TRMT2B: variants seen among roughly 807,000 people sequenced by gnomAD.
TRMT2B encodes tRNA (uracil-5-)-methyltransferase homolog B.
Under a neutral mutation model 39.7 loss-of-function variants are expected in TRMT2B, and 34 were observed. That is an observed-to-expected ratio of 0.86 (90% CI 0.65 to 1.14). The LOEUF is 1.14. TRMT2B is among the 50% of genes most tolerant of loss of function. TRMT2B has a pLI of 0.00. For synonymous variants in TRMT2B, 132 were observed against 137.3 expected, an observed-to-expected ratio of 0.96 and a Z score of 0.27; for missense variants, 318 against 377.2, an observed-to-expected ratio of 0.84 and a Z score of 1.30.
At chrX:101,008,304 A>G (rs1242000953), downstream of TRMT2B, among the ~76,000 whole-genome samples, 1 of 112,163 alleles carries the variant, frequency 8.9e-6, no homozygotes, top group Non-Finnish European at 1.9e-5. Flanking sequence ...CATTATAAAA[A>G]TAATATAACC....
chrX:100,991,196 GA>G, the TRMT2B span, among the ~76,000 whole-genome samples: 1 of 111,493 alleles, frequency 9.0e-6, no homozygotes, highest in East Asian at 2.8e-4. Context: ...CCAAAAATCT[GA>G]AACATTCCAA....
chrX:101,041,438 A>AGT (rs1323971418), intron 3 of TRMT2B, 67 bp from the exon 4 acceptor site: 1 of 1,018,033 alleles, frequency 9.8e-7, no homozygotes, highest in Non-Finnish European at 1.4e-6. Context: ...ACTATGCATA[A>AGT]GTACTTTCAG....
intron 4 of TRMT2B, 88 bp downstream of exon 4, chrX:101,041,229 T>C: frequency 2.5e-6 from 2 of 813,679 alleles, no homozygotes; most frequent in Non-Finnish European, 3.4e-6. Flanking sequence ...TAAAAATAAA[T>C]AAATAAATAA....
intron 5 of TRMT2B, 73 bp from the exon 6 acceptor site, chrX:101,037,146 G>A (rs1205213321): frequency 2.4e-6 from 2 of 819,798 alleles, no homozygotes; most frequent in Non-Finnish European, 3.7e-6. Context: ...TAAAGGGAAA[G>A]CAGGAATGTT....
chrX:101,013,624 T>C (rs1602509248), intron 13 of TRMT2B: 1 of 119,680 alleles, frequency 8.4e-6, no homozygotes, highest in South Asian at 2.5e-4. Flanking sequence ...TGGTGGTGCA[T>C]ACCTGTAATA....
intron 7 of TRMT2B, among the ~76,000 whole-genome samples, chrX:101,028,250 C>T (rs2087239039): frequency 9.2e-6 from 1 of 108,234 alleles, no homozygotes; most frequent in Non-Finnish European, 1.9e-5. Flanking sequence ...TCCCCAGTAG[C>T]TGGGATTACA....
At chrX:100,985,688 A>G in the TRMT2B span, 1 of 1,210,000 alleles carries the variant, frequency 8.3e-7, no homozygotes, top group Non-Finnish European at 1.1e-6. Flanking sequence ...AAGACAGACC[A>G]TTGCATGAAA....
At chrX:101,045,456 A>G (rs1363592785) in intron 2 of TRMT2B, among the ~76,000 whole-genome samples, 3 of 94,385 alleles carry the variant, frequency 3.2e-5, no homozygotes, top group Non-Finnish European at 6.3e-5. Flanking sequence ...CTTCATCTCG[A>G]AAAAAAAAAA....
the TRMT2B span, among the ~76,000 whole-genome samples, chrX:100,992,651 T>C: frequency 9.0e-6 from 1 of 111,617 alleles, no homozygotes; most frequent in Non-Finnish European, 1.9e-5. Context: ...AGCACACCAA[T>C]AGTGGTAGCA....
intron 2 of TRMT2B, among the ~76,000 whole-genome samples, chrX:101,047,154 C>T: frequency 9.3e-6 from 1 of 107,332 alleles, no homozygotes; most frequent in Admixed American, 1.0e-4. Flanking sequence ...TCACTTGTGC[C>T]CAGGCAGCCA....
chrX:100,987,409 G>A, the TRMT2B span: 4 of 1,210,748 alleles, frequency 3.3e-6, no homozygotes, highest in Non-Finnish European at 4.5e-6. Context: ...TCAGCCATCA[G>A]AAACCTTGAA....
the TRMT2B span, among the ~76,000 whole-genome samples, chrX:100,982,649 CTT>C: frequency 1.1e-4 from 9 of 84,488 alleles, no homozygotes; most frequent in Admixed American, 7.2e-4. Flanking sequence ...CTACAGTTTT[CTT>C]TTTTTTTTTT....
chrX:101,029,188 A>G (rs940202204), intron 7 of TRMT2B, among the ~76,000 whole-genome samples: 4 of 111,050 alleles, frequency 3.6e-5, no homozygotes, highest in African/African-American at 1.3e-4. Context: ...TCTTTGCAAT[A>G]GCTCTTTCTT....
intron 13 of TRMT2B, among the ~76,000 whole-genome samples, chrX:101,012,658 C>T (rs767468362): frequency 4.6e-5 from 5 of 109,841 alleles, no homozygotes; most frequent in East Asian, 2.9e-4. Flanking sequence ...ATGTTTATTG[C>T]GGCATTATTC....
intron 2 of TRMT2B, among the ~76,000 whole-genome samples, chrX:101,048,107 TACACATACACAC>T (rs1261105062): frequency 3.8e-4 from 20 of 53,203 alleles, no homozygotes; most frequent in African/African-American, 1.7e-3. Context: ...TTTACATTTA[TACACATACACAC>T]ACACACACAC....
chrX:100,976,495 T>C, the TRMT2B span, among the ~76,000 whole-genome samples: 2 of 111,825 alleles, frequency 1.8e-5, no homozygotes, highest in East Asian at 5.6e-4. Context: ...CTGAAGAATG[T>C]CTCAGGCCAC....
intron 13 of TRMT2B, among the ~76,000 whole-genome samples, chrX:101,016,644 T>G (rs68053286): frequency 6.5e-4 from 42 of 64,136 alleles, no homozygotes; most frequent in Admixed American, 1.0e-3. Context: ...TTTTCGTGGT[T>G]TTTTTTTTTT....
intron 13 of TRMT2B, chrX:101,015,690 C>T (rs2086475309): frequency 1.5e-6 from 1 of 654,390 alleles, no homozygotes. Flanking sequence ...AAATTATTTT[C>T]CAGTTTGTAT....
At chrX:101,034,344 G>A (rs62602420) in intron 7 of TRMT2B, among the ~76,000 whole-genome samples, 18,875 of 106,803 alleles carry the variant, frequency 0.18, 1,394 homozygotes, top group Non-Finnish European at 0.2. Flanking sequence ...GTTTAGCCAT[G>A]TTGGCCAGGC....
Sources: allele counts gnomAD v4.1 joint callset (sites outside exome capture counted in the v4.1 genomes callset), GRCh38; gene constraint gnomAD v4.1.1; transcripts MANE v1.5; gene names NCBI Gene and HGNC (gene_info 2026-07-23, HGNC 2026-07-21).